The following DDAH1 variants were observed in gnomAD, a reference collection of about 807,000 sequenced individuals.
The protein encoded by DDAH1 is N(G),N(G)-dimethylarginine dimethylaminohydrolase 1.
In DDAH1, 19 loss-of-function variants were observed where a neutral mutation model predicts 28.8. That is an observed-to-expected ratio of 0.66 (90% CI 0.46 to 0.97). The LOEUF is 0.97. Among genes scored for constraint, DDAH1 ranks in the 50% least tolerant of loss-of-function variants. The pLI, the probability that DDAH1 is intolerant of heterozygous loss-of-function variation, is 0.00. For synonymous variants in DDAH1, 153 were observed against 154.4 expected (o/e 0.99, Z 0.07); for missense variants, 326 against 375.9 (o/e 0.87, Z 1.10).
At chr1:85,454,946 C>T (rs1654819876) in intron 1 of DDAH1, among the ~76,000 whole-genome samples, 1 of 152,178 alleles carries the variant, frequency 6.6e-6, no homozygotes, top group Non-Finnish European at 1.5e-5. Flanking sequence ...GTGAAGAAAT[C>T]AATAACCTTT....
chr1:85,535,237 C>T (rs1658234710), intron 1 of DDAH1, among the ~76,000 whole-genome samples: 1 of 151,882 alleles, frequency 6.6e-6, no homozygotes, highest in Non-Finnish European at 1.5e-5. Flanking sequence ...GGCTTTCTTT[C>T]ACCTTTGGGC....
At chr1:85,511,800 A>G (rs1657243875) in intron 1 of DDAH1, among the ~76,000 whole-genome samples, 1 of 152,256 alleles carries the variant, frequency 6.6e-6, no homozygotes, top group Non-Finnish European at 1.5e-5. Flanking sequence ...CTAAACCAGG[A>G]AGAAGTTGAA....
At chr1:85,324,950 G>A (rs1498373) in intron 4 of DDAH1, 67 bp from the exon 5 acceptor site, 557,676 of 1,577,218 alleles carry the variant, frequency 0.35, 101,950 homozygotes, top group South Asian at 0.41. Context: ...AAGGAAGGCA[G>A]TGTGGTAGGA....
chr1:85,447,743 A>ACT lies in DDAH1; in HGVS notation c.303+16999_303+17000insAG, dbSNP rs1344912117. The stretch of plus-strand genomic sequence containing the variant: ...AAGTTTAGTCAGTCTGAATTATGCA[A>ACT]AATGTTAACCAAAAGCTACACTGAC... On this transcript the variant is annotated intron_variant, in intron 1 of 5. Transcript: ENST00000284031. 6 of 152,334 alleles carry ACT rather than the reference A, an allele frequency of 3.9e-5. No homozygotes were observed. The East Asian group carries it at 5.8e-4, about 15-fold the overall frequency. 9.4% of individuals were successfully genotyped at this position (152,334 alleles called of 1,614,324 possible).
intron 1 of DDAH1, among the ~76,000 whole-genome samples, chr1:85,559,906 C>T (rs774174092): frequency 4.6e-5 from 7 of 151,412 alleles, no homozygotes; most frequent in East Asian, 1.9e-4. Context: ...GAGGACAGAA[C>T]GAGTATAAAT....
intron 1 of DDAH1, among the ~76,000 whole-genome samples, chr1:85,373,460 T>C (rs1232305552): frequency 6.6e-6 from 1 of 152,110 alleles, no homozygotes; most frequent in Non-Finnish European, 1.5e-5. Context: ...TGGGGGTGGT[T>C]TCCCCCATGC....
chr1:85,420,030 G>A (rs924490489), intron 1 of DDAH1, among the ~76,000 whole-genome samples: 2 of 152,188 alleles, frequency 1.3e-5, no homozygotes, highest in East Asian at 1.9e-4. Context: ...CAACCCTCTG[G>A]AGCTGTGGTC....
chr1:85,439,090 T>C (rs1654075653), intron 1 of DDAH1, among the ~76,000 whole-genome samples: 1 of 152,228 alleles, frequency 6.6e-6, no homozygotes, highest in African/African-American at 2.4e-5. Flanking sequence ...AGTGAGCTGA[T>C]AAAAATGCTT....
intron 1 of DDAH1, among the ~76,000 whole-genome samples, chr1:85,457,764 AC>A (rs767793424): frequency 8.5e-5 from 13 of 152,224 alleles, no homozygotes; most frequent in Non-Finnish European, 1.5e-4. Flanking sequence ...ATCTTGGCTC[AC>A]TGCAACCTCT....
intron 1 of DDAH1, among the ~76,000 whole-genome samples, chr1:85,423,381 G>C (rs896297967): frequency 2.0e-5 from 3 of 152,120 alleles, no homozygotes; most frequent in Admixed American, 6.6e-5. Flanking sequence ...TTAACAATTT[G>C]AGTCTTCCAA....
At chr1:85,492,992 C>A (rs1483263671) in intron 2 of DDAH1, among the ~76,000 whole-genome samples, 1 of 152,052 alleles carries the variant, frequency 6.6e-6, no homozygotes, top group African/African-American at 2.4e-5. Context: ...GTTGCATTAT[C>A]ATTTTATGGG....
Position 85,389,838 on chromosome 1 carries a change from TTTTAGAGCCCACCATGC to T in DDAH1, c.304-31008_304-30992del, listed in dbSNP as rs1436074426. Reference sequence around the variant, plus strand: ...GAAGCAAAAAGTGTTAGAGAGGGAATTTTAGAGCCCACCATGCTAGTGGGCTCACCATTAGTAAAATA... The same window carrying T: ...GAAGCAAAAAGTGTTAGAGAGGGAATTAGTGGGCTCACCATTAGTAAAATA... On this transcript the variant is annotated intron_variant, in intron 1 of 5. Transcript: ENST00000284031. Among the ~76,000 whole-genome samples, 21 of 152,314 alleles carry T rather than the reference TTTTAGAGCCCACCATGC, an allele frequency of 1.4e-4. No individual in the cohort carries two copies. In the East Asian group the frequency reaches 3.7e-3, roughly 27 times the overall value.
intron 2 of DDAH1, among the ~76,000 whole-genome samples, chr1:85,482,997 G>T (rs1473454307): frequency 6.6e-6 from 1 of 152,080 alleles, no homozygotes; most frequent in Non-Finnish European, 1.5e-5. Context: ...GGCCGAGGTG[G>T]GCAGATCACC....
chr1:85,542,996 A>G (rs1378934998), intron 1 of DDAH1, among the ~76,000 whole-genome samples: 1 of 152,234 alleles, frequency 6.6e-6, no homozygotes, highest in African/African-American at 2.4e-5. Context: ...CCAAGATCAC[A>G]TAGCCAGAAA....
intron 1 of DDAH1, among the ~76,000 whole-genome samples, chr1:85,561,096 C>A (rs1332852523): frequency 6.6e-6 from 1 of 152,022 alleles, no homozygotes; most frequent in Non-Finnish European, 1.5e-5. Flanking sequence ...TACATATAGA[C>A]TTTAGTATCT....
chr1:85,352,575 T>C (rs992584090), intron 2 of DDAH1, among the ~76,000 whole-genome samples: 5 of 152,290 alleles, frequency 3.3e-5, no homozygotes, highest in Non-Finnish European at 7.3e-5. Flanking sequence ...TATTCCCTGA[T>C]TTAACCCACC....
chr1:85,527,213 T>C (rs1397860429), intron 1 of DDAH1, among the ~76,000 whole-genome samples: 4 of 152,192 alleles, frequency 2.6e-5, no homozygotes, highest in Non-Finnish European at 5.9e-5. Flanking sequence ...GCTGTCCTCA[T>C]CTACCCCTTG....
intron 1 of DDAH1, chr1:85,404,411 G>GA: frequency 6.5e-7 from 1 of 1,534,778 alleles, no homozygotes; most frequent in Admixed American, 2.0e-5. Flanking sequence ...TTGCCATCCA[G>GA]AACTGCTTTT....
chr1:85,466,477 G>A (rs934834084), upstream of DDAH1, among the ~76,000 whole-genome samples: 11 of 152,186 alleles, frequency 7.2e-5, no homozygotes, highest in Non-Finnish European at 1.2e-4. Flanking sequence ...TCGAACTCCT[G>A]ACCTCAGGTG....
Sources: allele counts gnomAD v4.1 joint callset (sites outside exome capture counted in the v4.1 genomes callset), GRCh38; gene constraint gnomAD v4.1.1; transcripts MANE v1.5; gene names NCBI Gene and HGNC (gene_info 2026-07-23, HGNC 2026-07-21).